PGR: variants seen among roughly 807,000 people sequenced by gnomAD.
The protein encoded by PGR is progesterone receptor.
In PGR, 25 loss-of-function variants were observed where a neutral mutation model predicts 76.1. That is an observed-to-expected ratio of 0.33 (90% CI 0.24 to 0.46). The LOEUF is 0.46. Ranked by LOEUF, PGR falls within the 20% of genes least tolerant of loss-of-function variation. PGR has a pLI of 1.00. For missense variants in PGR, 1,172 were observed against 1,225.3 expected (o/e 0.96, Z 0.65); for synonymous variants, 579 against 535.0 (o/e 1.08, Z -1.14).
At chr11:101,099,581 A>G (rs1472784410) in intron 2 of PGR, among the ~76,000 whole-genome samples, 1 of 152,190 alleles carries the variant, frequency 6.6e-6, no homozygotes, top group Non-Finnish European at 1.5e-5. Context: ...TCCAGCTAAG[A>G]GGACAACCTA....
At chr11:101,049,623 ATAT>A (rs764243348) in intron 6 of PGR, among the ~76,000 whole-genome samples, 8 of 152,258 alleles carry the variant, frequency 5.3e-5, no homozygotes, top group Non-Finnish European at 8.8e-5. Flanking sequence ...GTTGACCAAA[ATAT>A]TATTATGTGG....
intron 2 of PGR, among the ~76,000 whole-genome samples, chr11:101,124,670 A>G (rs1020510036): frequency 2.0e-5 from 3 of 152,200 alleles, no homozygotes; most frequent in African/African-American, 4.8e-5. Context: ...CCAAAGTCAG[A>G]TAAAAATGGT....
intron 3 of PGR, among the ~76,000 whole-genome samples, chr11:101,069,869 G>A (rs1860858885): frequency 6.6e-6 from 1 of 152,080 alleles, no homozygotes; most frequent in South Asian, 2.1e-4. Flanking sequence ...TGGGGAGCTA[G>A]GGGAGGGATA....
intron 2 of PGR, among the ~76,000 whole-genome samples, chr11:101,097,495 T>C (rs926510264): frequency 1.4e-4 from 21 of 152,238 alleles, no homozygotes; most frequent in African/African-American, 5.1e-4. Flanking sequence ...TTTGATACTT[T>C]TAACTCTTGT....
At chr11:101,106,736 A>G (rs1048620827) in intron 2 of PGR, among the ~76,000 whole-genome samples, 4 of 152,190 alleles carry the variant, frequency 2.6e-5, no homozygotes, top group African/African-American at 9.6e-5. Flanking sequence ...GAGGATTATA[A>G]ATCATTCTAC....
chr11:101,046,342 C>T (rs1237696), intron 6 of PGR, among the ~76,000 whole-genome samples: 15,915 of 90,482 alleles, frequency 0.18, 1,983 homozygotes, highest in African/African-American at 0.38. Flanking sequence ...TTTTTAGAGA[C>T]GGGGTTTTCC....
rs957169970 is a variant in PGR at position 101,037,714 on chromosome 11, T to C, written c.*1402A>G. The C allele has an allele frequency of 2.2e-5, 5 of 226,390 alleles. No individual in the cohort carries two copies. Among genetic ancestry groups the C allele is most frequent in the East Asian group, 1.9e-4 (3 of 15,792 alleles). 14.0% of individuals were successfully genotyped at this position (226,390 alleles called of 1,614,324 possible). ...GAAAATTTAAAAGTAATGAAGATAA[T>C]TGATGGAGATAAAGCATGGGAGAAG... On this transcript the variant is annotated 3_prime_UTR_variant, in exon 8 of 8. Coordinates refer to ENST00000325455, the MANE Select transcript of PGR (RefSeq NM_000926.4).
chr11:101,055,201 T>C (rs1038337060), intron 4 of PGR, among the ~76,000 whole-genome samples: 5 of 151,796 alleles, frequency 3.3e-5, no homozygotes, highest in African/African-American at 1.2e-4. Context: ...GATCACAAGG[T>C]CAAGAGATTG....
Position 101,128,486 on chromosome 11 carries a change from C to T in PGR, c.585G>A (p.Leu195=). The part of the protein sequence containing the change: ...LPRGLSPARQ[L]LLPASESPHW... ...GAGGGCTCTCAGAGGCCGGGAGCAG[C>T]AGCTGCCGGGCTGGTGACAGGCCCC... Residue 195 remains leucine (L), a synonymous_variant, in exon 1 of 8, where the codon CTG becomes CTA. Coordinates refer to ENST00000325455, the MANE Select transcript of PGR (RefSeq NM_000926.4). The T allele has an allele frequency of 6.2e-7, 1 of 1,606,746 alleles. No individual in the cohort carries two copies.
chr11:101,056,798 C>T (rs1591376743), intron 4 of PGR, among the ~76,000 whole-genome samples: 1 of 152,116 alleles, frequency 6.6e-6, no homozygotes, highest in East Asian at 1.9e-4. Flanking sequence ...CATTAAATAT[C>T]TCAGCACCTT....
chr11:101,053,517 C>T (rs1860169894), intron 4 of PGR, among the ~76,000 whole-genome samples: 2 of 141,778 alleles, frequency 1.4e-5, no homozygotes, highest in African/African-American at 5.7e-5. Flanking sequence ...CCCTCCCCTT[C>T]TCCCTCCTTT....
intron 3 of PGR, among the ~76,000 whole-genome samples, chr11:101,089,115 A>C (rs183216161): frequency 2.6e-5 from 4 of 152,176 alleles, no homozygotes; most frequent in African/African-American, 9.7e-5. Context: ...TTGTACCTCA[A>C]ACATTAGTGT....
At chr11:101,123,642 C>T (rs1055698023) in intron 2 of PGR, among the ~76,000 whole-genome samples, 22 of 152,138 alleles carry the variant, frequency 1.4e-4, no homozygotes, top group African/African-American at 4.8e-4. Flanking sequence ...TCCTCAATGC[C>T]TAGAAAGCTT....
rs1344139364 is a variant in PGR, at chr11:101,127,525, C to A, written c.1546G>T (p.Gly516Cys). 1.3e-6 allele frequency: 2 copies of A among 1,530,594 alleles called. No homozygotes were observed. The highest frequency in any genetic ancestry group is 8.7e-7 in the Non-Finnish European group (1 of 1,143,456). 94.8% of individuals were successfully genotyped at this position (1,530,594 alleles called of 1,614,324 possible). ...GAAPALYPAL[G>C]LNGLPQLGYQ... The stretch of plus-strand genomic sequence containing the variant: ...CCGAGCTGCGGGAGCCCGTTGAGGC[C>A]GAGTGCAGGGTAGAGCGCGGGGGCC... The change falls in exon 1 of 8, where the codon GGC (glycine) becomes TGC (cysteine). Residue 516 changes from glycine to cysteine, a missense_variant. This residue lies in a region of PGR where 893 missense variants were observed against 785.9 expected (regional missense o/e 1.14). Transcript: ENST00000325455.
In PGR at chr11:101,039,998, T is replaced by A. The variant is rs536422354; in HGVS notation, c.2647-727A>T. On this transcript the variant is annotated intron_variant, in intron 7 of 7. Transcript: ENST00000325455. ...CTCTTCCTCAACTACATACATGTTC[T>A]CTTCTCCCCAGAGAGAGCTTTTGGC... is the stretch of plus-strand genomic sequence containing the variant. Among the ~76,000 whole-genome samples, 11 of 152,232 alleles carry A rather than the reference T, an allele frequency of 7.2e-5. No individual in the cohort carries two copies. In the South Asian group the frequency reaches 2.1e-3, roughly 29 times the overall value.
chr11:101,076,206 A>T (rs1591393116), intron 3 of PGR, among the ~76,000 whole-genome samples: 1 of 152,120 alleles, frequency 6.6e-6, no homozygotes, highest in East Asian at 1.9e-4. Context: ...TTCAGAGCAA[A>T]CTAACACAAG....
At chr11:101,109,785 T>A (rs1358317829) in intron 2 of PGR, among the ~76,000 whole-genome samples, 1 of 152,188 alleles carries the variant, frequency 6.6e-6, no homozygotes, top group African/African-American at 2.4e-5. Flanking sequence ...AGTCTTCTCT[T>A]GGAAAAAGAT....
At chr11:101,101,932 G>C (rs2135472079) in intron 2 of PGR, among the ~76,000 whole-genome samples, 1 of 152,272 alleles carries the variant, frequency 6.6e-6, no homozygotes, top group East Asian at 1.9e-4. Context: ...AAGCACATAA[G>C]GGGGTCATGA....
At position 101,129,271 on chromosome 11, in the gene PGR, G is replaced by C. The variant is rs574488743; in HGVS notation, c.-201C>G. ...TCCTGCCCTTGGCCTCCATCCTGTC[G>C]TCAGGGGAACTGTGGCTGTCGTTTG... On this transcript the variant is annotated 5_prime_UTR_variant, in exon 1 of 8. Transcript: ENST00000325455. The C allele has an allele frequency of 1.5e-4, 77 of 526,950 alleles. 1 individual carries two copies. In the East Asian group the frequency reaches 2.1e-3, roughly 15 times the overall value. The allele number at this position is 526,950 out of a possible 1,614,324, so 32.6% of individuals were successfully genotyped here.
Sources: allele counts gnomAD v4.1 joint callset (sites outside exome capture counted in the v4.1 genomes callset), GRCh38; gene constraint gnomAD v4.1.1; regional missense constraint gnomAD v4.1.1; transcripts MANE v1.5; gene names NCBI Gene and HGNC (gene_info 2026-07-23, HGNC 2026-07-21).